MANEA: variants seen among roughly 807,000 people sequenced by gnomAD.
MANEA encodes the protein glycoprotein endo-alpha-1,2-mannosidase.
Under a neutral mutation model 36.8 loss-of-function variants are expected in MANEA, and 25 were observed. That is an observed-to-expected ratio of 0.68 (90% CI 0.50 to 0.95). MANEA has a LOEUF of 0.95. Among genes scored for constraint, MANEA ranks in the 40% least tolerant of loss-of-function variants. The pLI is 0.00. For synonymous variants in MANEA, 198 were observed against 188.5 expected, an observed-to-expected ratio of 1.05 and a Z score of -0.41; for missense variants, 565 against 558.8, an observed-to-expected ratio of 1.01 and a Z score of -0.11.
intron 4 of MANEA, 98 bp from the exon 5 acceptor site, chr6:95,605,650 C>CA: frequency 1.2e-6 from 1 of 809,438 alleles, no homozygotes; most frequent in Non-Finnish European, 2.0e-6. Flanking sequence ...GCAGTGTGCT[C>CA]AAACTGCACT....
chr6:95,593,209 C>T (rs7772996), intron 2 of MANEA, among the ~76,000 whole-genome samples: 1 of 152,034 alleles, frequency 6.6e-6, no homozygotes, highest in Non-Finnish European at 1.5e-5. Context: ...CTCAGAAGTA[C>T]GACAATCACT....
At chr6:95,602,937 G>T (rs530553834) in intron 3 of MANEA, among the ~76,000 whole-genome samples, 1 of 148,800 alleles carries the variant, frequency 6.7e-6, no homozygotes, top group Non-Finnish European at 1.5e-5. Flanking sequence ...GGAGAATGGC[G>T]TGAACCCGGG....
intron 2 of MANEA, among the ~76,000 whole-genome samples, chr6:95,594,395 CA>C (rs1291026826): frequency 1.3e-5 from 2 of 152,010 alleles, no homozygotes; most frequent in African/African-American, 2.4e-5. Flanking sequence ...CTGCCTCTCA[CA>C]AAAAGAAATA....
At chr6:95,589,850 A>G (rs1341066757) in intron 2 of MANEA, 1 of 152,142 alleles carries the variant, frequency 6.6e-6, no homozygotes, top group Non-Finnish European at 1.5e-5. Context: ...GGTGCAAAAG[A>G]TTGCTAATCA....
intron 1 of MANEA, among the ~76,000 whole-genome samples, chr6:95,586,078 G>A (rs541044538): frequency 6.6e-6 from 1 of 152,224 alleles, no homozygotes; most frequent in South Asian, 2.1e-4. Context: ...CAGCATACAT[G>A]TAATCTGTTC....
At position 95,609,118 on chromosome 6, in the gene MANEA, A is replaced by G. The variant is rs1769772689; in HGVS notation, c.*2713A>G. The G allele has an allele frequency of 6.6e-6, 1 of 151,858 alleles. No homozygotes were observed. Among genetic ancestry groups the G allele is most frequent in the African/African-American group, 2.4e-5 (1 of 41,442 alleles). The allele number at this position is 151,858 out of a possible 1,614,324, so 9.4% of individuals were successfully genotyped here. A position where few individuals can be genotyped will look rare whatever the true frequency, so the allele number is the denominator to read the frequency against. Reference sequence around the variant, plus strand: ...AAATTGTTATGATAACAAGTAAATAAGAGCAAAGAATGTATTTCTTAATTC... The same window carrying G: ...AAATTGTTATGATAACAAGTAAATAGGAGCAAAGAATGTATTTCTTAATTC... On this transcript the variant is annotated 3_prime_UTR_variant, in exon 5 of 5. Coordinates refer to ENST00000358812, the MANE Select transcript of MANEA (RefSeq NM_024641.4).
chr6:95,579,898 T>G (rs1232642462), intron 1 of MANEA, among the ~76,000 whole-genome samples: 10 of 152,332 alleles, frequency 6.6e-5, no homozygotes, highest in Non-Finnish European at 1.5e-4. Flanking sequence ...AGATTTTCAG[T>G]AGCCAATACT....
At chr6:95,593,966 G>A (rs1273214109) in intron 2 of MANEA, among the ~76,000 whole-genome samples, 5 of 152,020 alleles carry the variant, frequency 3.3e-5, no homozygotes, top group African/African-American at 9.7e-5. Flanking sequence ...ATAGAATGAG[G>A]CAGGAGAATC....
At position 95,605,997 on chromosome 6, in the gene MANEA, T is replaced by C. The variant is rs148847274; in HGVS notation, c.981T>C (p.Asn327=). The change falls in exon 5 of 5, where the codon AAT becomes AAC. Residue 327 remains asparagine, a synonymous_variant. Coordinates refer to ENST00000358812, the MANE Select transcript of MANEA (RefSeq NM_024641.4). ...FDGIYTYFAT[N]GFTYGSSHQN... ...GAATTTACACATATTTTGCCACAAA[T>C]GGCTTTACTTATGGCTCATCACATC... The C allele has an allele frequency of 4.5e-5, 73 of 1,613,968 alleles. No individual in the cohort carries two copies. Among genetic ancestry groups the C allele is most frequent in the Non-Finnish European group, 5.8e-5 (68 of 1,179,974 alleles).
intron 2 of MANEA, among the ~76,000 whole-genome samples, chr6:95,592,860 GGCC>G (rs1769408040): frequency 6.6e-6 from 1 of 151,936 alleles, no homozygotes; most frequent in African/African-American, 2.4e-5. Context: ...CGATTCTCTA[GGCC>G]TATCTGATTT....
intron 2 of MANEA, among the ~76,000 whole-genome samples, chr6:95,594,795 C>A (rs940973584): frequency 6.6e-5 from 10 of 152,120 alleles, no homozygotes; most frequent in African/African-American, 2.4e-4. Context: ...GCATTGTGAA[C>A]CTGCAGTTTA....
chr6:95,605,925 G>T lies in MANEA; in HGVS notation c.909G>T (p.Leu303=), dbSNP rs1332945342. 6.2e-7 allele frequency: 1 copy of T among 1,613,744 alleles called. No homozygotes were observed. The highest frequency in any genetic ancestry group is 2.2e-5 in the East Asian group (1 of 44,858). Residue 303 remains leucine (L), a synonymous_variant, in exon 5 of 5, where the codon CTG becomes CTT. Coordinates refer to ENST00000358812, the MANE Select transcript of MANEA (RefSeq NM_024641.4). ...SPYDGLFIAL[L]VEEKHKYDIL... ...ATGATGGACTGTTTATTGCCCTTCT[G>T]GTAGAAGAAAAACATAAGTATGATA...
At chr6:95,592,224 A>G (rs1407269880) in intron 2 of MANEA, among the ~76,000 whole-genome samples, 2 of 152,272 alleles carry the variant, frequency 1.3e-5, no homozygotes, top group African/African-American at 2.4e-5. Flanking sequence ...GCATTAATTC[A>G]TCTTTTTAAG....
chr6:95,605,730 T>C lies in MANEA; in HGVS notation c.732-18T>C. 1 of 1,582,416 alleles carries C rather than the reference T, an allele frequency of 6.3e-7. No individual in the cohort carries two copies. The highest frequency in any genetic ancestry group is 8.6e-7 in the Non-Finnish European group (1 of 1,157,144). On this transcript the variant is annotated intron_variant, in intron 4 of 4. Transcript: ENST00000358812. ...GTTGTGAATATTCATTTCACTTTTATATATGCTTATTTTCTAGATATGGAA... is the reference window on the plus strand; with the variant it reads ...GTTGTGAATATTCATTTCACTTTTACATATGCTTATTTTCTAGATATGGAA...
At chr6:95,588,778 A>G (rs1279926028) in intron 2 of MANEA, among the ~76,000 whole-genome samples, 1 of 151,588 alleles carries the variant, frequency 6.6e-6, no homozygotes, top group Non-Finnish European at 1.5e-5. Flanking sequence ...ATATTAATAC[A>G]TATTTGTAAT....
intron 3 of MANEA, among the ~76,000 whole-genome samples, chr6:95,602,268 ATTAT>A (rs1343053883): frequency 6.6e-6 from 1 of 152,198 alleles, no homozygotes; most frequent in Non-Finnish European, 1.5e-5. Context: ...AGGATGAAGT[ATTAT>A]CTCTTTCCCT....
intron 3 of MANEA, among the ~76,000 whole-genome samples, chr6:95,599,540 G>A (rs1214721933): frequency 6.6e-6 from 1 of 152,122 alleles, no homozygotes; most frequent in Admixed American, 6.6e-5. Context: ...TATTCTAATG[G>A]AGGACAATCT....
chr6:95,604,056 A>AGGTGTGTGTG lies in MANEA; in HGVS notation c.655-771_655-770insGGTGTGTGTG, dbSNP rs1318756717. Among the ~76,000 whole-genome samples, 521 of 58,560 alleles carry AGGTGTGTGTG rather than the reference A, an allele frequency of 8.9e-3. 4 individuals carry two copies. The highest frequency in any genetic ancestry group is 0.027 in the African/African-American group (488 of 18,300). The allele number at this position is 58,560 out of a possible 152,430, so 38.4% of individuals were successfully genotyped here. ...TGTATGTATGTGTGCGTATATATGT[A>AGGTGTGTGTG]TGTAGGTGTGTGTGTGTGTGTGTGT... On this transcript the variant is annotated intron_variant, in intron 3 of 4. Transcript: ENST00000358812.
chr6:95,586,703 C>CTCTGAACTTAACT lies in MANEA; in HGVS notation c.266_278dup (p.Leu93PhefsTer2). ...AAATCACTATGAAACCTTCCAAAGCCTCTGAACTTAACTTGGATGAACTAC... is the reference window on the plus strand; with the variant it reads ...AAATCACTATGAAACCTTCCAAAGCCTCTGAACTTAACTTCTGAACTTAACTTGGATGAACTAC... On this transcript the variant is annotated frameshift_variant, in exon 2 of 5. Transcript: ENST00000358812. LOFTEE classifies it high-confidence loss of function. 1 of 1,613,962 alleles carries CTCTGAACTTAACT rather than the reference C, an allele frequency of 6.2e-7. No homozygotes were observed. Among genetic ancestry groups the CTCTGAACTTAACT allele is most frequent in the Non-Finnish European group, 8.5e-7 (1 of 1,179,948 alleles).
Sources: allele counts gnomAD v4.1 joint callset (sites outside exome capture counted in the v4.1 genomes callset), GRCh38; gene constraint gnomAD v4.1.1; transcripts MANE v1.5; gene names NCBI Gene and HGNC (gene_info 2026-07-23, HGNC 2026-07-21).